Variants in PLOD2 observed in about 807,000 individuals in gnomAD.
PLOD2 encodes procollagen-lysine,2-oxoglutarate 5-dioxygenase 2.
Under a neutral mutation model 101.0 loss-of-function variants are expected in PLOD2, and 65 were observed. The observed-to-expected ratio is 0.64, with a 90% CI of 0.53 to 0.79. The LOEUF (loss-of-function observed/expected upper bound fraction) is 0.79. PLOD2 is among the 30% of genes least tolerant of loss of function. PLOD2 has a pLI of 0.00. For synonymous variants in PLOD2, 314 were observed against 302.9 expected (o/e 1.04, Z -0.38); for missense variants, 909 against 914.6 (o/e 0.99, Z 0.08).
At position 146,072,586 on chromosome 3, in the gene PLOD2, C is replaced by G. The variant is rs898972865; in HGVS notation, c.1823G>C (p.Gly608Ala). The stretch of plus-strand genomic sequence containing the variant: ...ATGATGTTTTCCCCCAGACCATTTG[C>G]CGTAATGTTCCATTTCTTCTACCAA... ...DELVEEMEHY[G>A]KWSGGKHHDS... The change falls in exon 17 of 20, where the codon GGC (glycine) becomes GCC (alanine). Residue 608 changes from glycine to alanine, a missense_variant. By Grantham distance (60) the Gly-to-Ala change is moderately conservative. Transcript: ENST00000282903. The G allele has an allele frequency of 6.2e-7, 1 of 1,608,490 alleles. No homozygotes were observed. Among genetic ancestry groups the G allele is most frequent in the Non-Finnish European group, 8.5e-7 (1 of 1,175,628 alleles).
chr3:146,120,756 T>C (rs12171307), intron 3 of PLOD2, among the ~76,000 whole-genome samples: 145,677 of 152,208 alleles, frequency 0.96, 69,945 homozygotes, highest in Non-Finnish European at 0.99. Context: ...AATGGAGTCT[T>C]GCTCTGTTGC....
chr3:146,076,843 G>A lies in PLOD2; in HGVS notation c.1616C>T (p.Thr539Ile), dbSNP rs1936360201. 6.3e-7 allele frequency: 1 copy of A among 1,592,914 alleles called. No homozygotes were observed. The highest frequency in any genetic ancestry group is 1.7e-4 in the Middle Eastern group (1 of 5,984). ...ATAATGGGAAGTATTGTAATTAGCA[G>A]TGGATAATAGCCTTCCAAATTCATG... ...NRHEFGRLLS[T>I]ANYNTSHYNN... Residue 539 changes from threonine to isoleucine, a missense_variant, in exon 15 of 20, where the codon ACT becomes ATT. Transcript: ENST00000282903.
intron 12 of PLOD2, among the ~76,000 whole-genome samples, chr3:146,080,027 T>A (rs1936479595): frequency 6.6e-6 from 1 of 152,030 alleles, no homozygotes; most frequent in Non-Finnish European, 1.5e-5. Context: ...ACTGTGCGCC[T>A]TTCTTTTAGA....
chr3:146,095,396 G>A (rs138460184), intron 7 of PLOD2, among the ~76,000 whole-genome samples: 4,071 of 149,606 alleles, frequency 0.027, 71 homozygotes, highest in South Asian at 0.041. Flanking sequence ...AAAAGTGGTC[G>A]AAGGATATGA....
intron 7 of PLOD2, among the ~76,000 whole-genome samples, chr3:146,098,898 A>G (rs1351137614): frequency 6.6e-6 from 1 of 152,178 alleles, no homozygotes; most frequent in Non-Finnish European, 1.5e-5. Context: ...TGTAATAATC[A>G]GCCTTCTTTC....
chr3:146,127,551 C>A (rs1299224936), intron 1 of PLOD2, among the ~76,000 whole-genome samples: 1 of 151,786 alleles, frequency 6.6e-6, no homozygotes, highest in Non-Finnish European at 1.5e-5. Context: ...ATATATATAT[C>A]ACATTTTCTT....
At chr3:146,154,278 GT>G (rs1302114781) in intron 1 of PLOD2, among the ~76,000 whole-genome samples, 1 of 152,050 alleles carries the variant, frequency 6.6e-6, no homozygotes, top group Non-Finnish European at 1.5e-5. Flanking sequence ...TTGAAATACG[GT>G]TTTTTCTTTA....
rs571006412 is a variant in PLOD2, at chr3:146,109,699, A to C, written c.502+586T>G. Among the ~76,000 whole-genome samples the C allele has an allele frequency of 5.3e-5, 8 of 152,330 alleles. No homozygotes were observed. The South Asian group carries it at 1.0e-3, about 20-fold the overall frequency. On this transcript the variant is annotated intron_variant, in intron 4 of 19. Transcript: ENST00000282903. ...TAATTTCCAAGGTCAAATTTTATTT[A>C]ATTTTCTAAAGGCTGGACTGAGGAA...
intron 1 of PLOD2, among the ~76,000 whole-genome samples, chr3:146,153,358 A>C (rs1432190659): frequency 6.6e-6 from 1 of 152,222 alleles, no homozygotes; most frequent in East Asian, 1.9e-4. Flanking sequence ...CAGGAAGGAA[A>C]GATTTAAATG....
chr3:146,077,933 AAGAG>A lies in PLOD2; in HGVS notation c.1501-13_1501-10del. ...TTTTCCCTTTGTAAAGTCTAAAATGAAGAGAAGCATTGGGTAAGTTGACCTGTAC... is the reference window on the plus strand; with the variant it reads ...TTTTCCCTTTGTAAAGTCTAAAATGAAAGCATTGGGTAAGTTGACCTGTAC... On this transcript the variant is annotated splice_polypyrimidine_tract_variant and intron_variant, in intron 13 of 19. Transcript: ENST00000282903. 1 of 1,560,862 alleles carries A rather than the reference AAGAG, an allele frequency of 6.4e-7. No homozygotes were observed. The highest frequency in any genetic ancestry group is 1.1e-5 in the South Asian group (1 of 89,900).
At position 146,071,036 on chromosome 3, in the gene PLOD2, A is replaced by G; in HGVS notation, c.2121+6T>C. On this transcript the variant is annotated splice_donor_region_variant and intron_variant, in intron 19 of 19. Coordinates refer to ENST00000282903, the MANE Select transcript of PLOD2 (RefSeq NM_182943.3). Reference sequence around the variant, plus strand: ...AAAAATCTAAAAACACAAGAGTCATAATTACCTGAAAGTCTTCTCCCACGT... The same window carrying G: ...AAAAATCTAAAAACACAAGAGTCATGATTACCTGAAAGTCTTCTCCCACGT... 1 of 1,603,054 alleles carries G rather than the reference A, an allele frequency of 6.2e-7. No homozygotes were observed. The highest frequency in any genetic ancestry group is 8.5e-7 in the Non-Finnish European group (1 of 1,171,080).
chr3:146,161,047 T>G lies in PLOD2; in HGVS notation c.-58A>C. 8.0e-7 allele frequency: 1 copy of G among 1,253,920 alleles called. No homozygotes were observed. Among genetic ancestry groups the G allele is most frequent in the Non-Finnish European group, 1.1e-6 (1 of 880,902 alleles). The allele number at this position is 1,253,920 out of a possible 1,614,324, so 77.7% of individuals were successfully genotyped here. A position where few individuals can be genotyped will look rare whatever the true frequency, so the allele number is the denominator to read the frequency against. Reference sequence around the variant, plus strand: ...GCCCACGGCCCCGCAGCGCCGCGCTTCTCGCGAGAACGCAGAGACCCGGGT... The same window carrying G: ...GCCCACGGCCCCGCAGCGCCGCGCTGCTCGCGAGAACGCAGAGACCCGGGT... On this transcript the variant is annotated 5_prime_UTR_variant, in exon 1 of 20. Coordinates refer to ENST00000282903, the MANE Select transcript of PLOD2 (RefSeq NM_182943.3).
chr3:146,143,801 T>A (rs2031644909), intron 1 of PLOD2, among the ~76,000 whole-genome samples: 1 of 152,028 alleles, frequency 6.6e-6, no homozygotes, highest in Non-Finnish European at 1.5e-5. Flanking sequence ...TATCTTGCGT[T>A]TCTCTCCAAA....
chr3:146,079,113 T>C lies in PLOD2; in HGVS notation c.1500+3A>G. On this transcript the variant is annotated splice_donor_region_variant and intron_variant, in intron 13 of 19. Transcript: ENST00000282903. The stretch of plus-strand genomic sequence containing the variant: ...TCAAGCAAGCCATCACTGCATATCT[T>C]ACCATTTCTCTAGCATTTCGGCAAA... 6.2e-7 allele frequency: 1 copy of C among 1,612,386 alleles called. No individual in the cohort carries two copies. The highest frequency in any genetic ancestry group is 8.5e-7 in the Non-Finnish European group (1 of 1,178,676).
Position 146,106,578 on chromosome 3 carries a change from T to A in PLOD2, c.569A>T (p.Asp190Val), listed in dbSNP as rs189340894. The A allele has an allele frequency of 6.3e-7, 1 of 1,597,550 alleles. No individual in the cohort carries two copies. Among genetic ancestry groups the A allele is most frequent in the East Asian group, 2.2e-5 (1 of 44,776 alleles). Reference protein sequence around the residue: ...VQQWNLQDNDDDQLFYTKVYI... With the variant: ...VQQWNLQDNDVDQLFYTKVYI... ...AACTTTAGTGTAAAAGAGCTGATCA[T>A]CATCATTATCCTGGAGATTCCATTG... Residue 190 changes from aspartate (D) to valine (V), a missense_variant, in exon 5 of 20, where the codon GAT (aspartate) becomes GTT (valine). Coordinates refer to ENST00000282903, the MANE Select transcript of PLOD2 (RefSeq NM_182943.3).
chr3:146,137,323 T>C (rs2031287372), intron 1 of PLOD2, among the ~76,000 whole-genome samples: 1 of 152,150 alleles, frequency 6.6e-6, no homozygotes, highest in Admixed American at 6.5e-5. Context: ...TGACCTCTGA[T>C]TCAATTAGCT....
At chr3:146,157,892 G>A (rs1003986761) in intron 1 of PLOD2, among the ~76,000 whole-genome samples, 1 of 152,182 alleles carries the variant, frequency 6.6e-6, no homozygotes, top group Non-Finnish European at 1.5e-5. Context: ...TTGCTGGTTT[G>A]CATCAGTAGA....
At chr3:146,080,085 G>A (rs927908632) in intron 12 of PLOD2, among the ~76,000 whole-genome samples, 9 of 151,910 alleles carry the variant, frequency 5.9e-5, no homozygotes, top group South Asian at 4.2e-4. Flanking sequence ...AGATATTAAC[G>A]GAAATATGAT....
intron 1 of PLOD2, among the ~76,000 whole-genome samples, chr3:146,132,590 CT>C (rs533969936): frequency 9.4e-5 from 14 of 148,352 alleles, no homozygotes; most frequent in East Asian, 3.9e-4. Context: ...ACATTAAGAA[CT>C]TTTTTTTTTA....
Sources: allele counts gnomAD v4.1 joint callset (sites outside exome capture counted in the v4.1 genomes callset), GRCh38; gene constraint gnomAD v4.1.1; transcripts MANE v1.5; gene names NCBI Gene and HGNC (gene_info 2026-07-23, HGNC 2026-07-21).